The following SYT14 variants were observed in gnomAD, a reference collection of about 807,000 sequenced individuals.
The protein encoded by SYT14 is synaptotagmin-14.
SYT14 carries 32 observed loss-of-function variants against 74.2 expected under a neutral mutation model. The ratio of observed to expected loss-of-function variants is 0.43; its 90% CI spans 0.33 to 0.58. The LOEUF (loss-of-function observed/expected upper bound fraction) is 0.58. Ranked by LOEUF, SYT14 falls within the 20% of genes least tolerant of loss-of-function variation. The probability of loss-of-function intolerance (pLI) is 0.05; values close to 1 mark genes in which losing one functional copy is unlikely to be tolerated. For synonymous variants in SYT14, 298 were observed against 337.7 expected, an observed-to-expected ratio of 0.88 and a Z score of 1.29; for missense variants, 791 against 981.8, an observed-to-expected ratio of 0.81 and a Z score of 2.60.
chr1:210,162,277 G>T (rs2083388067), exon 10 of SYT14: 1 of 437,832 alleles, frequency 2.3e-6, no homozygotes, highest in South Asian at 1.7e-5. Flanking sequence ...CTTGAACGTT[G>T]TATTTGCAAA....
intron 7 of SYT14, among the ~76,000 whole-genome samples, chr1:210,143,944 G>C (rs1204451280): frequency 6.6e-6 from 1 of 152,034 alleles, no homozygotes; most frequent in Non-Finnish European, 1.5e-5. Context: ...TTTTCTAGAG[G>C]GTACTGTTAC....
intron 2 of SYT14, among the ~76,000 whole-genome samples, chr1:209,975,270 T>C (rs2079338048): frequency 6.6e-6 from 1 of 152,236 alleles, no homozygotes; most frequent in African/African-American, 2.4e-5. Context: ...AGAGAGGGCA[T>C]CCCTGTCTTG....
At chr1:210,016,028 C>G in exon 4 of SYT14, 1 of 1,232,032 alleles carries the variant, frequency 8.1e-7, no homozygotes, top group East Asian at 3.2e-5. Flanking sequence ...AAATTTCCAA[C>G]AGAATCTGCC....
rs188111055 is a variant in SYT14, at chr1:210,115,624, C to T, written c.2034+15163C>T. ...AGAGAAGGGAGAGATTGAAGGATGG[C>T]GGCAAGGTTGAAAGGAGAAAGAGGT... On this transcript the variant is annotated intron_variant, in intron 7 of 9. Transcript: ENST00000637265. Among the ~76,000 whole-genome samples, 258 of 150,572 alleles carry T rather than the reference C, an allele frequency of 1.7e-3. 2 individuals carry two copies. The highest frequency in any genetic ancestry group is 5.3e-4 in the Non-Finnish European group (36 of 67,910).
intron 2 of SYT14, among the ~76,000 whole-genome samples, chr1:209,973,305 C>T (rs955151584): frequency 1.3e-5 from 2 of 152,108 alleles, no homozygotes; most frequent in African/African-American, 2.4e-5. Flanking sequence ...TGGTGTGCTG[C>T]ACCCATTAAC....
intron 1 of SYT14, among the ~76,000 whole-genome samples, chr1:209,947,733 T>C (rs558994438): frequency 6.6e-6 from 1 of 152,308 alleles, no homozygotes; most frequent in African/African-American, 2.4e-5. Context: ...ACTCCAGTTT[T>C]TAAAGTTCTA....
At chr1:210,070,489 G>A (rs2081372286) in intron 5 of SYT14, among the ~76,000 whole-genome samples, 2 of 152,064 alleles carry the variant, frequency 1.3e-5, no homozygotes, top group South Asian at 4.1e-4. Context: ...CTTTTTAGTA[G>A]CAGACCATGG....
rs143284635 is a variant in SYT14, at chr1:210,114,584, T to C, written c.2034+14123T>C. On this transcript the variant is annotated intron_variant, in intron 7 of 9. Coordinates refer to ENST00000637265, the Ensembl canonical transcript of SYT14. ...GGGGCTGTAAAGCATCTAAGGGTTGTTGCCAAACGGGCCATGAACTGGGCT... is the reference window on the plus strand; with the variant it reads ...GGGGCTGTAAAGCATCTAAGGGTTGCTGCCAAACGGGCCATGAACTGGGCT... Among the ~76,000 whole-genome samples the C allele has an allele frequency of 5.2e-3, 787 of 151,400 alleles. 47 individuals are homozygous for C. The highest frequency in any genetic ancestry group is 0.015 in the African/African-American group (629 of 40,684).
intron 5 of SYT14, among the ~76,000 whole-genome samples, chr1:210,082,261 C>T (rs1172315685): frequency 6.6e-6 from 1 of 152,172 alleles, no homozygotes; most frequent in East Asian, 1.9e-4. Flanking sequence ...CATCAGTCTT[C>T]CAGTCTTTCT....
chr1:210,048,584 C>G (rs1158889206), intron 5 of SYT14, among the ~76,000 whole-genome samples: 1 of 152,132 alleles, frequency 6.6e-6, no homozygotes, highest in Non-Finnish European at 1.5e-5. Flanking sequence ...CGAGTGCCTC[C>G]CATGTCACAT....
intron 5 of SYT14, among the ~76,000 whole-genome samples, chr1:210,072,316 A>G (rs898947509): frequency 2.0e-5 from 3 of 151,914 alleles, no homozygotes; most frequent in African/African-American, 4.8e-5. Flanking sequence ...ATACTTTGGA[A>G]CTCAGAGGCA....
At chr1:210,034,463 A>G (rs1262826117) in intron 5 of SYT14, among the ~76,000 whole-genome samples, 1 of 151,666 alleles carries the variant, frequency 6.6e-6, no homozygotes, top group Admixed American at 6.6e-5. Flanking sequence ...AAATAGATGT[A>G]AGGGGTACAA....
chr1:210,145,132 A>T (rs1478794991), intron 7 of SYT14, among the ~76,000 whole-genome samples: 2 of 152,214 alleles, frequency 1.3e-5, no homozygotes, highest in African/African-American at 2.4e-5. Context: ...ACGTGTCTAG[A>T]TCAGTAAGAT....
exon 4 of SYT14, chr1:210,016,546 T>A: frequency 8.1e-7 from 1 of 1,231,984 alleles, no homozygotes; most frequent in South Asian, 4.1e-5. Context: ...GAGTAGGAAT[T>A]TCCAATAATG....
At chr1:210,150,873 T>C (rs1243628379) in intron 7 of SYT14, among the ~76,000 whole-genome samples, 1 of 152,180 alleles carries the variant, frequency 6.6e-6, no homozygotes, top group African/African-American at 2.4e-5. Flanking sequence ...ATAGGAATTA[T>C]ATTGTATTTT....
chr1:210,095,405 C>T (rs2081951561), intron 6 of SYT14, among the ~76,000 whole-genome samples: 2 of 152,108 alleles, frequency 1.3e-5, no homozygotes, highest in Admixed American at 6.5e-5. Context: ...AGGTGTGCAC[C>T]ACCACACCCA....
intron 5 of SYT14, among the ~76,000 whole-genome samples, chr1:210,060,774 T>C (rs949161056): frequency 6.6e-6 from 1 of 152,124 alleles, no homozygotes; most frequent in East Asian, 1.9e-4. Context: ...GTTGCTGTTA[T>C]GATGTTAAAT....
chr1:209,981,453 T>TTC (rs1553260961), intron 2 of SYT14, among the ~76,000 whole-genome samples: 2 of 128,724 alleles, frequency 1.6e-5, no homozygotes, highest in Non-Finnish European at 3.1e-5. Flanking sequence ...TTCTTTTCTT[T>TTC]TTTTTTTTTT....
At chr1:210,069,842 A>G (rs1371779082) in intron 5 of SYT14, among the ~76,000 whole-genome samples, 2 of 148,400 alleles carry the variant, frequency 1.3e-5, no homozygotes, top group African/African-American at 2.5e-5. Context: ...TGCCTTTGTC[A>G]TGATGTGACT....
Sources: allele counts gnomAD v4.1 joint callset (sites outside exome capture counted in the v4.1 genomes callset), GRCh38; gene constraint gnomAD v4.1.1; transcripts MANE v1.5; gene names NCBI Gene and HGNC (gene_info 2026-07-23, HGNC 2026-07-21).